The following PPFIBP2 variants were observed in gnomAD, a reference collection of about 807,000 sequenced individuals.
The protein encoded by PPFIBP2 is liprin-beta-2.
A neutral mutation model predicts 118.3 loss-of-function variants in PPFIBP2; 118 were observed. The observed-to-expected ratio is 1.00, with a 90% CI of 0.86 to 1.16. PPFIBP2 has a LOEUF of 1.16. PPFIBP2 is among the 50% of genes most tolerant of loss of function. The probability of loss-of-function intolerance (pLI) is 0.00; values close to 1 mark genes in which losing one functional copy is unlikely to be tolerated. For synonymous variants in PPFIBP2, 414 were observed against 397.4 expected (o/e 1.04, Z -0.50); for missense variants, 1,195 against 1,073.1 (o/e 1.11, Z -1.59).
chr11:7,597,150 A>G, intron 4 of PPFIBP2: 4 of 1,442,382 alleles, frequency 2.8e-6, no homozygotes, highest in Non-Finnish European at 3.6e-6. Context: ...GTCATTGGTT[A>G]GTTTCCATGA....
intron 17 of PPFIBP2, among the ~76,000 whole-genome samples, chr11:7,644,884 G>A (rs905628365): frequency 3.3e-5 from 5 of 151,234 alleles, no homozygotes; most frequent in East Asian, 1.9e-4. Flanking sequence ...AAAATTAGCC[G>A]GGCGTGGTGG....
chr11:7,554,889 C>G (rs566566970), intron 2 of PPFIBP2, among the ~76,000 whole-genome samples: 1 of 151,756 alleles, frequency 6.6e-6, no homozygotes, highest in South Asian at 2.1e-4. Context: ...GTTAAAGACT[C>G]TAGGATCTTT....
intron 7 of PPFIBP2, among the ~76,000 whole-genome samples, chr11:7,623,842 T>C (rs1297816260): frequency 6.6e-6 from 1 of 152,008 alleles, no homozygotes; most frequent in East Asian, 1.9e-4. Context: ...AGGTTGAGAG[T>C]CCCAAAGCTA....
the PPFIBP2 span, among the ~76,000 whole-genome samples, chr11:7,663,631 G>A: frequency 2.0e-5 from 3 of 152,240 alleles, no homozygotes; most frequent in Non-Finnish European, 4.4e-5. Context: ...CAGAGGTGGA[G>A]CCTACAGAGG....
At chr11:7,542,748 A>G (rs555107588) in intron 1 of PPFIBP2, among the ~76,000 whole-genome samples, 1 of 152,354 alleles carries the variant, frequency 6.6e-6, no homozygotes, top group South Asian at 2.1e-4. Context: ...CTGACCTTGC[A>G]GGCTTGCTAC....
chr11:7,556,786 G>T (rs1853687185), intron 2 of PPFIBP2, among the ~76,000 whole-genome samples: 1 of 152,128 alleles, frequency 6.6e-6, no homozygotes, highest in Non-Finnish European at 1.5e-5. Context: ...CTATCCATAG[G>T]TATTATTTTG....
chr11:7,564,251 A>G (rs926940138), intron 2 of PPFIBP2, among the ~76,000 whole-genome samples: 6 of 152,058 alleles, frequency 3.9e-5, no homozygotes, highest in Non-Finnish European at 7.4e-5. Context: ...ATCTCTGAGG[A>G]CATTGAAGCA....
At chr11:7,606,102 G>C in intron 5 of PPFIBP2, 1 of 1,418,926 alleles carries the variant, frequency 7.0e-7, no homozygotes, top group Admixed American at 2.5e-5. Context: ...TATAAGTGAA[G>C]AGCACTGTCT....
chr11:7,577,330 T>TGCGTGTGTGTGTGCGTGTGTGTGTGC (rs72088699), intron 3 of PPFIBP2: 433 of 246,824 alleles, frequency 1.8e-3, no homozygotes, highest in Non-Finnish European at 3.1e-3. Context: ...CGTGTGTGTG[T>TGCGTGTGTGTGTGCGTGTGTGTGTGC]GTGTGTGTGT....
At chr11:7,520,329 G>A (rs1226081666) in intron 1 of PPFIBP2, among the ~76,000 whole-genome samples, 4 of 152,120 alleles carry the variant, frequency 2.6e-5, no homozygotes, top group African/African-American at 9.6e-5. Context: ...GTTGGGGTGG[G>A]TATTTTCCGG....
chr11:7,648,904 G>T lies in PPFIBP2; in HGVS notation c.1902G>T (p.Trp634Cys). ...AGTCTGCACTGCTAGACCACATTTG[G>T]GTGACAAGTAAGGATAGGCATATAT... ...EEKSALLDHI[W>C]VTRWLDDIGL... Residue 634 changes from tryptophan (W) to cysteine (C), a missense_variant, in exon 19 of 24, where the codon TGG becomes TGT. Physicochemically the swap from Trp to Cys is radical, Grantham distance 215. Coordinates refer to ENST00000299492, the MANE Select transcript of PPFIBP2 (RefSeq NM_003621.5). 6.2e-7 allele frequency: 1 copy of T among 1,613,030 alleles called. No homozygotes were observed.
chr11:7,540,643 T>G (rs1251610957), intron 1 of PPFIBP2, among the ~76,000 whole-genome samples: 1 of 152,160 alleles, frequency 6.6e-6, no homozygotes, highest in African/African-American at 2.4e-5. Flanking sequence ...GGTTATTTTA[T>G]CAATAAATCT....
intron 1 of PPFIBP2, among the ~76,000 whole-genome samples, chr11:7,543,559 T>G (rs2134463413): frequency 6.6e-6 from 1 of 152,352 alleles, no homozygotes; most frequent in Non-Finnish European, 1.5e-5. Flanking sequence ...GGAATAGCAG[T>G]GACTTCCAGA....
downstream of PPFIBP2, among the ~76,000 whole-genome samples, chr11:7,656,361 C>T (rs756442389): frequency 3.9e-5 from 6 of 152,168 alleles, no homozygotes; most frequent in East Asian, 3.8e-4. Flanking sequence ...CAGGGACACA[C>T]GACTCTCCTT....
chr11:7,655,547 C>T (rs774308496), downstream of PPFIBP2: 26 of 1,268,106 alleles, frequency 2.1e-5, 1 homozygote, highest in South Asian at 2.7e-4. Context: ...CAGGGAGGCC[C>T]AGTGAGTTTG....
chr11:7,655,614 T>A (rs1052592418), downstream of PPFIBP2: 1 of 855,196 alleles, frequency 1.2e-6, no homozygotes, highest in African/African-American at 1.7e-5. Flanking sequence ...TGGTGCTTAG[T>A]GCTGGGGTCA....
chr11:7,569,669 G>A (rs1048103281), intron 3 of PPFIBP2, among the ~76,000 whole-genome samples: 1 of 152,200 alleles, frequency 6.6e-6, no homozygotes, highest in African/African-American at 2.4e-5. Flanking sequence ...AGGCTGTCCT[G>A]CCTGTGGTGC....
the PPFIBP2 span, among the ~76,000 whole-genome samples, chr11:7,662,286 C>G: frequency 6.6e-6 from 1 of 152,118 alleles, no homozygotes; most frequent in African/African-American, 2.4e-5. Flanking sequence ...CGACTGGTAC[C>G]GGTTGTTCCT....
chr11:7,665,216 C>A, the PPFIBP2 span: 2 of 606,420 alleles, frequency 3.3e-6, no homozygotes, highest in Non-Finnish European at 5.4e-6. Flanking sequence ...CCCTTGAGCC[C>A]TTTTTGTTAG....
Sources: gnomAD v4.1 joint callset for allele counts (sites outside exome capture counted in the v4.1 genomes callset) on GRCh38, gnomAD v4.1.1 for gene constraint, MANE v1.5 for transcripts, NCBI Gene and HGNC (gene_info 2026-07-23, HGNC 2026-07-21) for gene names.